The following DDX46 variants were observed in gnomAD, a reference collection of about 807,000 sequenced individuals.
DDX46 encodes DEAD-box helicase 46, also known as probable ATP-dependent RNA helicase DDX46.
In DDX46, 30 loss-of-function variants were observed where a neutral mutation model predicts 134.9. The observed-to-expected ratio is 0.22, with a 90% confidence interval of 0.17 to 0.30. The LOEUF is 0.30. Among genes scored for constraint, DDX46 ranks in the 10% least tolerant of loss-of-function variants. The pLI is 1.00. For missense variants in DDX46, 622 were observed against 1,248.7 expected (o/e 0.50, Z 7.56); for synonymous variants, 415 against 404.1 (o/e 1.03, Z -0.32).
At chr5:134,820,864 CTTTTTTT>C (rs1180909732) in intron 21 of DDX46, among the ~76,000 whole-genome samples, 1 of 123,228 alleles carries the variant, frequency 8.1e-6, no homozygotes, top group African/African-American at 3.1e-5. Flanking sequence ...CTTTTCTTTT[CTTTTTTT>C]TTTTTTTTTT....
In DDX46 at chr5:134,825,298, C is replaced by T. The variant is rs188419441; in HGVS notation, c.2978-1649C>T. Among the ~76,000 whole-genome samples, 238 of 152,278 alleles carry T rather than the reference C, an allele frequency of 1.6e-3. 1 individual carries two copies. The highest frequency in any genetic ancestry group is 6.8e-3 in the Middle Eastern group (2 of 294). ...CGGTCTTGATTCTTCTTTTTCTCTT[C>T]CCTTCCAGCACTCACCTTCCCCACG... On this transcript the variant is annotated intron_variant, in intron 21 of 22. Coordinates refer to ENST00000452510, the MANE Select transcript of DDX46 (RefSeq NM_001300860.2).
intron 18 of DDX46, among the ~76,000 whole-genome samples, chr5:134,815,094 T>G (rs1180570210): frequency 6.6e-6 from 1 of 152,122 alleles, no homozygotes; most frequent in Admixed American, 6.5e-5. Flanking sequence ...AAAAAGGTTT[T>G]TAAAAATTAG....
At chr5:134,760,076 G>C (rs1753330496) in intron 1 of DDX46, among the ~76,000 whole-genome samples, 1 of 152,136 alleles carries the variant, frequency 6.6e-6, no homozygotes, top group Admixed American at 6.6e-5. Context: ...GTCTTCCTCT[G>C]TTGCTCTCCT....
At chr5:134,795,905 A>T in intron 14 of DDX46, 83 bp from the exon 15 acceptor site, 1 of 1,229,120 alleles carries the variant, frequency 8.1e-7, no homozygotes, top group Admixed American at 2.3e-5. Flanking sequence ...TCATTCATTC[A>T]CTACAAATAA....
intron 20 of DDX46, among the ~76,000 whole-genome samples, chr5:134,818,386 G>T (rs967746721): frequency 6.6e-6 from 1 of 150,848 alleles, no homozygotes; most frequent in Non-Finnish European, 1.5e-5. Context: ...GAGCCATCAC[G>T]CCCGGCCAAT....
intron 6 of DDX46, among the ~76,000 whole-genome samples, chr5:134,778,166 G>A (rs1754006850): frequency 6.6e-6 from 1 of 151,430 alleles, no homozygotes; most frequent in Admixed American, 6.6e-5. Context: ...CTACATGTGT[G>A]CACCACCATG....
At chr5:134,773,624 T>C in intron 4 of DDX46, 72 bp from the exon 5 acceptor site, 1 of 1,470,252 alleles carries the variant, frequency 6.8e-7, no homozygotes, top group Non-Finnish European at 9.0e-7. Flanking sequence ...GAATGTCACT[T>C]GGAGCAAAAT....
intron 6 of DDX46, chr5:134,780,644 A>C (rs1754122983): frequency 6.6e-6 from 1 of 150,912 alleles, no homozygotes; most frequent in African/African-American, 2.4e-5. Flanking sequence ...ACAGTAAATT[A>C]TGAATGGATG....
At chr5:134,785,140 C>T (rs1401445916) in intron 10 of DDX46, among the ~76,000 whole-genome samples, 1 of 152,204 alleles carries the variant, frequency 6.6e-6, no homozygotes, top group Admixed American at 6.5e-5. Context: ...TTCTGTGGCA[C>T]AGTGAGTCAC....
Position 134,798,299 on chromosome 5 carries a change from A to G in DDX46, c.1954+2149A>G, listed in dbSNP as rs146423854. Among the ~76,000 whole-genome samples, 1,267 of 152,012 alleles carry G rather than the reference A, an allele frequency of 8.3e-3. 17 individuals carry two copies. Among genetic ancestry groups the G allele is most frequent in the African/African-American group, 0.028 (1,155 of 41,474 alleles). On this transcript the variant is annotated intron_variant, in intron 15 of 22. Coordinates refer to ENST00000452510, the MANE Select transcript of DDX46 (RefSeq NM_001300860.2). ...CTCTGCTTCCCGCCTCCTGGGTTCA[A>G]GCAGTTCTTGTGCCTCAGCCTCTCA...
chr5:134,765,063 T>G (rs1753521449), intron 2 of DDX46, among the ~76,000 whole-genome samples: 1 of 151,564 alleles, frequency 6.6e-6, no homozygotes, highest in African/African-American at 2.4e-5. Flanking sequence ...AATCTTTTTT[T>G]TTTTTTTAAT....
intron 15 of DDX46, among the ~76,000 whole-genome samples, chr5:134,803,023 T>C (rs1369177058): frequency 6.6e-6 from 1 of 152,184 alleles, no homozygotes; most frequent in Non-Finnish European, 1.5e-5. Flanking sequence ...TTATACGGAG[T>C]CTTGCTCTGT....
At chr5:134,788,432 T>C (rs1238127064) in intron 11 of DDX46, 81 bp from the exon 12 acceptor site, 15 of 1,170,046 alleles carry the variant, frequency 1.3e-5, no homozygotes, top group Non-Finnish European at 1.9e-5. Flanking sequence ...CTAATTAGAC[T>C]AGGCAAGAAC....
intron 13 of DDX46, among the ~76,000 whole-genome samples, chr5:134,794,108 T>G (rs957144393): frequency 6.6e-6 from 1 of 152,162 alleles, no homozygotes; most frequent in African/African-American, 2.4e-5. Flanking sequence ...CAGGTGTCTC[T>G]TTGTCTTCAC....
chr5:134,800,150 G>A (rs1412088637), intron 15 of DDX46, among the ~76,000 whole-genome samples: 1 of 152,064 alleles, frequency 6.6e-6, no homozygotes, highest in African/African-American at 2.4e-5. Flanking sequence ...ATTTCACCAT[G>A]TTGGCCAGGA....
At chr5:134,788,089 C>G (rs987078917) in intron 11 of DDX46, among the ~76,000 whole-genome samples, 6 of 150,814 alleles carry the variant, frequency 4.0e-5, no homozygotes, top group Non-Finnish European at 5.9e-5. Flanking sequence ...ACTAATGTGG[C>G]AACCCTCAAT....
intron 6 of DDX46, among the ~76,000 whole-genome samples, chr5:134,779,255 A>G (rs1754054813): frequency 6.6e-6 from 1 of 151,398 alleles, no homozygotes; most frequent in Non-Finnish European, 1.5e-5. Flanking sequence ...GTTCAGTGGC[A>G]CTATCTCTGC....
At chr5:134,821,011 G>GC (rs886993720) in intron 21 of DDX46, among the ~76,000 whole-genome samples, 17 of 147,338 alleles carry the variant, frequency 1.2e-4, no homozygotes, top group South Asian at 2.1e-4. Context: ...GATTACAGGT[G>GC]CCCCCCCGCC....
chr5:134,790,070 C>T, intron 12 of DDX46: 1 of 458,806 alleles, frequency 2.2e-6, no homozygotes. Flanking sequence ...TTGCTTTCCA[C>T]ACATACGCTG....
Sources: allele counts gnomAD v4.1 joint callset (sites outside exome capture counted in the v4.1 genomes callset), GRCh38; gene constraint gnomAD v4.1.1; transcripts MANE v1.5; gene names NCBI Gene and HGNC (gene_info 2026-07-23, HGNC 2026-07-21).